PTPRK: variants seen among roughly 807,000 people sequenced by gnomAD.
PTPRK encodes protein tyrosine phosphatase receptor type K.
Under a neutral mutation model 178.0 loss-of-function variants are expected in PTPRK, and 75 were observed. The ratio of observed to expected loss-of-function variants is 0.42; its 90% CI spans 0.35 to 0.51. The LOEUF is 0.51. Ranked by LOEUF, PTPRK falls within the 20% of genes least tolerant of loss-of-function variation. The pLI is 0.02. For synonymous variants in PTPRK, 637 were observed against 620.6 expected (o/e 1.03, Z -0.39); for missense variants, 1,441 against 1,797.8 (o/e 0.80, Z 3.59).
chr6:128,124,091 T>C (rs536910438), intron 7 of PTPRK, among the ~76,000 whole-genome samples: 4 of 151,750 alleles, frequency 2.6e-5, no homozygotes, highest in Non-Finnish European at 4.4e-5. Flanking sequence ...TCACCCAGGC[T>C]GAAGTTCAGT....
In PTPRK at chr6:128,077,208, T is replaced by TCA. The variant is rs1182524611; in HGVS notation, c.1883+1604_1883+1605insTG. 4.6e-5 allele frequency among the ~76,000 whole-genome samples: 7 copies of TCA among 152,144 alleles called. No homozygotes were observed. The East Asian group carries it at 1.2e-3, about 25-fold the overall frequency. On this transcript the variant is annotated intron_variant, in intron 11 of 29. Coordinates refer to ENST00000368226, the MANE Select transcript of PTPRK (RefSeq NM_002844.4). ...GGTAGGAACATGTGAATGACCCTGA[T>TCA]TACTTGTCAATAGGAAAAGATGTTG...
chr6:128,063,974 C>T (rs1781318005), intron 13 of PTPRK, among the ~76,000 whole-genome samples: 1 of 152,126 alleles, frequency 6.6e-6, no homozygotes, highest in Admixed American at 6.6e-5. Context: ...AGCAAACCAC[C>T]CCAAGAACCA....
chr6:128,242,723 T>G, intron 3 of PTPRK, 121 bp from the exon 4 acceptor site: 1 of 1,392,098 alleles, frequency 7.2e-7, no homozygotes, highest in Non-Finnish European at 9.4e-7. Context: ...AATTAAAAAT[T>G]TAACCTTATA....
intron 6 of PTPRK, among the ~76,000 whole-genome samples, chr6:128,205,776 C>A (rs76402229): frequency 2.3e-5 from 1 of 43,136 alleles, no homozygotes. Context: ...GCATCACAGA[C>A]CAAAAAAAAA....
intron 25 of PTPRK, among the ~76,000 whole-genome samples, chr6:127,977,993 C>T (rs986627810): frequency 1.3e-5 from 2 of 152,180 alleles, no homozygotes; most frequent in African/African-American, 4.8e-5. Context: ...TTAAGTCCTT[C>T]AAGAATCTTA....
chr6:128,300,985 T>C (rs961397287), intron 3 of PTPRK, among the ~76,000 whole-genome samples: 1 of 152,042 alleles, frequency 6.6e-6, no homozygotes, highest in Admixed American at 6.6e-5. Flanking sequence ...TAGTCTTACT[T>C]ATAATGTTAG....
At chr6:128,393,311 G>A (rs9491943) in intron 2 of PTPRK, among the ~76,000 whole-genome samples, 2,026 of 151,998 alleles carry the variant, frequency 0.013, 17 homozygotes, top group African/African-American at 0.027. Context: ...GGCTGGTCTC[G>A]AACTCCTAAC....
In PTPRK at chr6:128,435,070, A is replaced by C. The variant is rs568005970; in HGVS notation, c.101-37382T>G. ...GCAGGAAGGAAGGAAGGAAGGAAGGAAGGAAGGAAGGAAGGAAGGAAGGAA... is the reference window on the plus strand; with the variant it reads ...GCAGGAAGGAAGGAAGGAAGGAAGGCAGGAAGGAAGGAAGGAAGGAAGGAA... On this transcript the variant is annotated intron_variant, in intron 1 of 29. Transcript: ENST00000368226. Among the ~76,000 whole-genome samples, 32 of 86,984 alleles carry C rather than the reference A, an allele frequency of 3.7e-4. 1 individual carries two copies. Among genetic ancestry groups the C allele is most frequent in the Middle Eastern group, 5.1e-3 (1 of 198 alleles). The allele number at this position is 86,984 out of a possible 152,430, so 57.1% of individuals were successfully genotyped here. A position where few individuals can be genotyped will look rare whatever the true frequency, so the allele number is the denominator to read the frequency against.
intron 3 of PTPRK, among the ~76,000 whole-genome samples, chr6:128,268,467 G>A (rs1819291953): frequency 6.6e-6 from 1 of 151,962 alleles, no homozygotes; most frequent in South Asian, 2.1e-4. Context: ...AGAAGACAGA[G>A]CTATTAGAAA....
At chr6:128,098,757 A>G (rs769527649) in intron 7 of PTPRK, among the ~76,000 whole-genome samples, 6 of 152,198 alleles carry the variant, frequency 3.9e-5, no homozygotes, top group Non-Finnish European at 5.9e-5. Flanking sequence ...TTGCATTTCT[A>G]TACTAATCTG....
chr6:128,033,577 G>T (rs1457094936), intron 13 of PTPRK, among the ~76,000 whole-genome samples: 1 of 152,154 alleles, frequency 6.6e-6, no homozygotes, highest in African/African-American at 2.4e-5. Context: ...TGTTTAAAAG[G>T]TAAAATTGGG....
At chr6:128,041,597 A>G (rs769642914) in intron 13 of PTPRK, among the ~76,000 whole-genome samples, 3 of 152,026 alleles carry the variant, frequency 2.0e-5, no homozygotes, top group Non-Finnish European at 2.9e-5. Context: ...CTTTTCATGT[A>G]GAGATTCAAT....
intron 3 of PTPRK, among the ~76,000 whole-genome samples, chr6:128,286,826 G>T (rs1441149648): frequency 2.0e-5 from 3 of 152,154 alleles, no homozygotes; most frequent in African/African-American, 7.2e-5. Flanking sequence ...AGCCTTCAGA[G>T]TAAAGCCAAT....
intron 13 of PTPRK, among the ~76,000 whole-genome samples, chr6:128,048,260 A>C (rs1448012933): frequency 6.6e-6 from 1 of 152,198 alleles, no homozygotes; most frequent in African/African-American, 2.4e-5. Flanking sequence ...CCAGTGATTT[A>C]GAAACTGTGG....
intron 7 of PTPRK, among the ~76,000 whole-genome samples, chr6:128,114,378 G>A (rs912175547): frequency 3.3e-5 from 5 of 151,924 alleles, no homozygotes; most frequent in African/African-American, 1.2e-4. Context: ...AGCACTTTCA[G>A]AGGCGGAGGT....
At chr6:128,265,033 C>T (rs1818736308) in intron 3 of PTPRK, among the ~76,000 whole-genome samples, 1 of 152,102 alleles carries the variant, frequency 6.6e-6, no homozygotes, top group African/African-American at 2.4e-5. Context: ...TTGTAAATTG[C>T]CCAGTCTCAG....
intron 29 of PTPRK, among the ~76,000 whole-genome samples, chr6:127,970,520 A>T (rs1340121109): frequency 6.6e-6 from 1 of 152,062 alleles, no homozygotes; most frequent in Non-Finnish European, 1.5e-5. Flanking sequence ...TTTTCTATCA[A>T]TTTTTTAAAT....
chr6:128,205,777 CAAAAAAA>C (rs57003128), intron 6 of PTPRK, among the ~76,000 whole-genome samples: 35 of 15,232 alleles, frequency 2.3e-3, no homozygotes, highest in Admixed American at 8.6e-3. Context: ...CATCACAGAC[CAAAAAAA>C]AAAAAAAAAA....
At position 128,005,179 on chromosome 6, in the gene PTPRK, T is replaced by C; in HGVS notation, c.2399A>G (p.Asn800Ser). Residue 800 changes from asparagine (N) to serine (S), a missense_variant, in exon 15 of 30, where the codon AAT becomes AGT. Asn to Ser is a conservative substitution (Grantham distance 46, BLOSUM62 1). This residue lies in a region of PTPRK where 945 missense variants were observed against 1,080.6 expected (regional missense o/e 0.87). Coordinates refer to ENST00000368226, the MANE Select transcript of PTPRK (RefSeq NM_002844.4). ...NTRQEMTHMV[N>S]AMDRSYADQS... The stretch of plus-strand genomic sequence containing the variant: ...ATCAGCATAACTTCGATCCATTGCA[T>C]TCACCATGTGAGTCATCTCCTGCCG... 6.2e-7 allele frequency: 1 copy of C among 1,611,774 alleles called. No individual in the cohort carries two copies. Among genetic ancestry groups the C allele is most frequent in the African/African-American group, 1.3e-5 (1 of 74,850 alleles).
Sources: allele counts gnomAD v4.1 joint callset (sites outside exome capture counted in the v4.1 genomes callset), GRCh38; gene constraint gnomAD v4.1.1; regional missense constraint gnomAD v4.1.1; transcripts MANE v1.5; gene names NCBI Gene and HGNC (gene_info 2026-07-23, HGNC 2026-07-21).